GLRA2: variants seen among roughly 807,000 people sequenced by gnomAD.
GLRA2 encodes the protein glycine receptor subunit alpha-2.
In GLRA2, 11 loss-of-function variants were observed where a neutral mutation model predicts 31.6. That is an observed-to-expected ratio of 0.35 (90% CI 0.22 to 0.58). The LOEUF is 0.58. Ranked by LOEUF, GLRA2 falls within the 20% of genes least tolerant of loss-of-function variation. The pLI is 0.84. For missense variants in GLRA2, 212 were observed against 351.8 expected, an observed-to-expected ratio of 0.60 and a Z score of 3.18; for synonymous variants, 132 against 134.0, an observed-to-expected ratio of 0.99 and a Z score of 0.10.
In GLRA2 at chrX:14,729,351, C is replaced by T. The variant is rs758455427; in HGVS notation, c.1081-856C>T. 1.4e-4 allele frequency among the ~76,000 whole-genome samples: 15 copies of T among 110,943 alleles called. No individual in the cohort carries two copies. The South Asian group carries it at 5.7e-3, about 42-fold the overall frequency. On this transcript the variant is annotated intron_variant, in intron 8 of 8. Coordinates refer to ENST00000218075, the MANE Select transcript of GLRA2 (RefSeq NM_002063.4). ...TCATTTCAATCCCAGCTTTTCAACCCCACCTTTTCAACCCCACCGTTTGAC... is the reference window on the plus strand; with the variant it reads ...TCATTTCAATCCCAGCTTTTCAACCTCACCTTTTCAACCCCACCGTTTGAC...
intron 7 of GLRA2, among the ~76,000 whole-genome samples, chrX:14,628,436 A>G (rs1479463231): frequency 1.8e-5 from 2 of 111,615 alleles, no homozygotes; most frequent in Non-Finnish European, 3.8e-5. Context: ...GGCACTGGGC[A>G]TACAGAAGTG....
intron 2 of GLRA2, among the ~76,000 whole-genome samples, chrX:14,549,864 T>C (rs2089533102): frequency 9.0e-6 from 1 of 111,152 alleles, no homozygotes; most frequent in African/African-American, 3.3e-5. Flanking sequence ...TCCATGAGCA[T>C]GAACATTGAA....
intron 2 of GLRA2, among the ~76,000 whole-genome samples, chrX:14,557,744 C>T (rs1300937907): frequency 9.0e-6 from 1 of 111,421 alleles, no homozygotes. Flanking sequence ...AGTGGTGCTA[C>T]TGGCATCTAG....
At chrX:14,509,411 C>T in the GLRA2 span, among the ~76,000 whole-genome samples, 2 of 112,765 alleles carry the variant, frequency 1.8e-5, no homozygotes, top group Non-Finnish European at 3.7e-5. Flanking sequence ...AGAAAACGGA[C>T]CACCTTTCAT....
chrX:14,708,011 T>C (rs1355868857), intron 8 of GLRA2, among the ~76,000 whole-genome samples: 15 of 109,927 alleles, frequency 1.4e-4, no homozygotes, highest in African/African-American at 1.0e-4. Context: ...CCTCCCTCCT[T>C]CTTTCTTTCA....
At chrX:14,499,923 A>AT in the GLRA2 span, among the ~76,000 whole-genome samples, 4 of 111,206 alleles carry the variant, frequency 3.6e-5, no homozygotes, top group Non-Finnish European at 5.7e-5. Context: ...TTATTTGTGG[A>AT]TTTTTTCTTC....
intron 8 of GLRA2, among the ~76,000 whole-genome samples, chrX:14,692,275 A>G (rs754924304): frequency 1.3e-4 from 15 of 112,198 alleles, no homozygotes; most frequent in Non-Finnish European, 2.8e-4. Context: ...GCCTTTCTCA[A>G]TTTTCTCCTC....
rs192747086 is a variant in GLRA2, at chrX:14,583,770, A to C, written c.494+2364A>C. On this transcript the variant is annotated intron_variant, in intron 4 of 8. Transcript: ENST00000218075. ...CAAAAACAAAAACAAAAAACCAAAC[A>C]AAACAAAAACTGGCACTGTACACCA... Among the ~76,000 whole-genome samples the C allele has an allele frequency of 8.7e-3, 963 of 111,107 alleles. 3 individuals are homozygous for C. The highest frequency in any genetic ancestry group is 0.013 in the Non-Finnish European group (708 of 52,985).
At chrX:14,473,472 T>C in the GLRA2 span, among the ~76,000 whole-genome samples, 6 of 112,335 alleles carry the variant, frequency 5.3e-5, no homozygotes, top group Non-Finnish European at 1.1e-4. Context: ...ACATGAACTA[T>C]TGCACTTAAT....
intron 2 of GLRA2, among the ~76,000 whole-genome samples, chrX:14,566,018 C>T (rs914529605): frequency 4.5e-5 from 5 of 111,010 alleles, no homozygotes; most frequent in South Asian, 3.8e-4. Context: ...GCAGAATAAA[C>T]GAAACCAGAA....
chrX:14,601,134 C>T (rs3027382), intron 4 of GLRA2, among the ~76,000 whole-genome samples: 26,894 of 109,835 alleles, frequency 0.24, 2,536 homozygotes, highest in Non-Finnish European at 0.3. Context: ...GAACCAAAAA[C>T]TAAATATCTG....
chrX:14,715,447 T>A (rs112480178), intron 8 of GLRA2, among the ~76,000 whole-genome samples: 23,025 of 111,433 alleles, frequency 0.21, 2,175 homozygotes, highest in Non-Finnish European at 0.3. Context: ...CAAGTATTAT[T>A]CTAGGCACTG....
chrX:14,550,592 C>A (rs1315805366), intron 2 of GLRA2, among the ~76,000 whole-genome samples: 1 of 110,778 alleles, frequency 9.0e-6, no homozygotes. Context: ...GGCACAGTCA[C>A]CATGAAGCTA....
At chrX:14,636,430 T>C (rs2090711242) in intron 7 of GLRA2, among the ~76,000 whole-genome samples, 1 of 111,469 alleles carries the variant, frequency 9.0e-6, no homozygotes, top group Non-Finnish European at 1.9e-5. Context: ...ATCTCTGTGG[T>C]CTTCCTTCCA....
intron 2 of GLRA2, among the ~76,000 whole-genome samples, chrX:14,542,166 C>T (rs1354050616): frequency 9.0e-6 from 1 of 111,689 alleles, no homozygotes; most frequent in Non-Finnish European, 1.9e-5. Context: ...TGGACAAGAC[C>T]AGAGACAGGC....
At position 14,529,946 on chromosome X, in the gene GLRA2, AGGAAACTAG is replaced by A; in HGVS notation, c.-110_-102del. ...AAACCAAATCTCTTTTTGATTTTCA[AGGAAACTAG>A]GTTCCTGCCAAATTTTGAATCTGGA... On this transcript the variant is annotated 5_prime_UTR_variant, in exon 1 of 9. Transcript: ENST00000218075. The A allele has an allele frequency of 1.2e-5, 7 of 604,426 alleles. No homozygotes were observed. Among genetic ancestry groups the A allele is most frequent in the Non-Finnish European group, 1.7e-5 (6 of 352,758 alleles). The allele number at this position is 604,426 out of a possible 1,213,427, so 49.8% of individuals were successfully genotyped here.
At chrX:14,607,512 C>A (rs746441897) in intron 6 of GLRA2, among the ~76,000 whole-genome samples, 47 of 111,223 alleles carry the variant, frequency 4.2e-4, no homozygotes, top group Non-Finnish European at 6.6e-4. Flanking sequence ...GATTTAGGAT[C>A]TTTTGCTGTT....
chrX:14,452,832 T>G, the GLRA2 span, among the ~76,000 whole-genome samples: 1 of 112,165 alleles, frequency 8.9e-6, no homozygotes, highest in African/African-American at 3.2e-5. Flanking sequence ...ACCTGGATTC[T>G]TTCTAATCTG....
intron 8 of GLRA2, among the ~76,000 whole-genome samples, chrX:14,725,253 A>C (rs1952302621): frequency 8.9e-6 from 1 of 111,950 alleles, no homozygotes; most frequent in Non-Finnish European, 1.9e-5. Context: ...GATACAAAGG[A>C]GGAAATTGAA....
Sources: gnomAD v4.1 joint callset for allele counts (sites outside exome capture counted in the v4.1 genomes callset) on GRCh38, gnomAD v4.1.1 for gene constraint, MANE v1.5 for transcripts, NCBI Gene and HGNC (gene_info 2026-07-23, HGNC 2026-07-21) for gene names.